OVAAL: variants seen among roughly 807,000 people sequenced by gnomAD.
The protein encoded by OVAAL is ovarian adenocarcinoma amplified long non-coding RNA.
At chr1:180,559,371 T>C (rs1270866975) in intron 1 of OVAAL, among the ~76,000 whole-genome samples, 1 of 152,120 alleles carries the variant, frequency 6.6e-6, no homozygotes, top group East Asian at 1.9e-4. Flanking sequence ...ATGAGGAACT[T>C]ATTGGGAACT....
chr1:180,563,532 C>T (rs770400354), intron 2 of OVAAL, among the ~76,000 whole-genome samples: 16 of 152,054 alleles, frequency 1.1e-4, no homozygotes, highest in South Asian at 4.2e-4. Flanking sequence ...TCCAAGTGGG[C>T]GACTTGAAGG....
intron 1 of OVAAL, among the ~76,000 whole-genome samples, chr1:180,561,073 G>A (rs2102144697): frequency 6.6e-6 from 1 of 152,206 alleles, no homozygotes; most frequent in South Asian, 2.1e-4. Context: ...ATAGAAAAGG[G>A]CACAAAAAGG....
At chr1:180,561,135 C>G (rs1653193545) in intron 1 of OVAAL, among the ~76,000 whole-genome samples, 1 of 152,190 alleles carries the variant, frequency 6.6e-6, no homozygotes, top group Non-Finnish European at 1.5e-5. Context: ...TCCCTGGCAC[C>G]TCTCAGTTGC....
intron 1 of OVAAL, among the ~76,000 whole-genome samples, chr1:180,559,269 T>C (rs190174532): frequency 9.9e-5 from 15 of 152,266 alleles, no homozygotes; most frequent in African/African-American, 3.6e-4. Context: ...GTGGGAAAGT[T>C]TGGAACCTCC....
intron 1 of OVAAL, among the ~76,000 whole-genome samples, chr1:180,559,534 G>C (rs939040957): frequency 6.6e-6 from 1 of 152,154 alleles, no homozygotes; most frequent in Non-Finnish European, 1.5e-5. Context: ...GGTGACTTGG[G>C]TGCTGTTAAA....
At chr1:180,561,244 G>A (rs1653194516) in intron 1 of OVAAL, among the ~76,000 whole-genome samples, 2 of 152,174 alleles carry the variant, frequency 1.3e-5, no homozygotes, top group Admixed American at 6.5e-5. Flanking sequence ...AGGGTACTTG[G>A]AAAGACCAAA....
At chr1:180,564,714 A>C (rs1012850835) in intron 2 of OVAAL, among the ~76,000 whole-genome samples, 9 of 152,136 alleles carry the variant, frequency 5.9e-5, no homozygotes, top group Non-Finnish European at 1.5e-5. Context: ...CAAGGAGCTT[A>C]GTAGATAAGC....
chr1:180,564,192 C>G (rs1018794684), intron 2 of OVAAL, among the ~76,000 whole-genome samples: 1 of 152,094 alleles, frequency 6.6e-6, no homozygotes, highest in Non-Finnish European at 1.5e-5. Context: ...TCCATTTTTT[C>G]TAAAAAGCTA....
intron 2 of OVAAL, among the ~76,000 whole-genome samples, chr1:180,563,576 G>A (rs1653243313): frequency 1.3e-5 from 2 of 152,094 alleles, no homozygotes; most frequent in South Asian, 2.1e-4. Flanking sequence ...TTTATATGTT[G>A]GCATACTTCT....
intron 1 of OVAAL, among the ~76,000 whole-genome samples, chr1:180,559,381 T>C (rs978934554): frequency 6.6e-6 from 1 of 152,212 alleles, no homozygotes; most frequent in Non-Finnish European, 1.5e-5. Context: ...TATTGGGAAC[T>C]GGAGCAAAGC....
At chr1:180,564,401 A>G (rs1653259339) in intron 2 of OVAAL, among the ~76,000 whole-genome samples, 1 of 152,102 alleles carries the variant, frequency 6.6e-6, no homozygotes. Context: ...CTGTATTCTT[A>G]TTTGCTGCTG....
At chr1:180,564,938 T>C (rs1042222869) in intron 2 of OVAAL, among the ~76,000 whole-genome samples, 5 of 152,216 alleles carry the variant, frequency 3.3e-5, no homozygotes, top group African/African-American at 1.2e-4. Flanking sequence ...ATGAGAACCA[T>C]TGTCCTATGC....
intron 1 of OVAAL, among the ~76,000 whole-genome samples, chr1:180,560,399 A>C (rs565486777): frequency 6.6e-6 from 1 of 152,212 alleles, no homozygotes; most frequent in Non-Finnish European, 1.5e-5. Context: ...TAGAATCTAC[A>C]GGAATGCGAG....
rs576555577 is a variant in OVAAL, at chr1:180,562,012, A to G, written n.373-192A>G. On this transcript the variant is annotated intron_variant and non_coding_transcript_variant, in intron 1 of 2. Transcript: ENST00000673955. ...CACTCCAGCCTGGGCGAGAAGAGTG[A>G]AACTCCATCTCAAAAAAAAAAAAAA... Among the ~76,000 whole-genome samples, 6 of 149,062 alleles carry G rather than the reference A, an allele frequency of 4.0e-5. No homozygotes were observed. In the East Asian group the frequency reaches 9.7e-4, roughly 24 times the overall value.
At chr1:180,564,277 A>T (rs1279046685) in intron 2 of OVAAL, among the ~76,000 whole-genome samples, 1 of 152,178 alleles carries the variant, frequency 6.6e-6, no homozygotes. Context: ...ATGCTCTGTT[A>T]AATTTGAATT....
chr1:180,565,319 T>G (rs1196228014), exon 3 of OVAAL: 2 of 152,380 alleles, frequency 1.3e-5, no homozygotes, highest in African/African-American at 4.8e-5. Flanking sequence ...ACTGGAGAAC[T>G]GTCTCTGCAG....
At chr1:180,559,979 A>G (rs1571620749) in intron 1 of OVAAL, among the ~76,000 whole-genome samples, 1 of 152,108 alleles carries the variant, frequency 6.6e-6, no homozygotes, top group Non-Finnish European at 1.5e-5. Flanking sequence ...AATAGCTAAC[A>G]TTGATTTAGT....
At chr1:180,561,718 AT>A (rs149304585) in intron 1 of OVAAL, among the ~76,000 whole-genome samples, 25,726 of 150,722 alleles carry the variant, frequency 0.17, 2,244 homozygotes, top group Middle Eastern at 0.22. Flanking sequence ...TTTTAATTTT[AT>A]TTTTTTTTTA....
Position 180,564,022 on chromosome 1 carries a change from G to A in OVAAL, n.514-1229G>A, listed in dbSNP as rs530504854. Among the ~76,000 whole-genome samples, 5 of 152,276 alleles carry A rather than the reference G, an allele frequency of 3.3e-5. No individual in the cohort carries two copies. The South Asian group carries it at 6.2e-4, about 19-fold the overall frequency. ...GTTTGTGTCTGACTAGCTACCTACT[G>A]TAACAGGATGACCATATAATTTATC... On this transcript the variant is annotated intron_variant and non_coding_transcript_variant, in intron 2 of 2. Coordinates refer to ENST00000673955, the Ensembl canonical transcript of OVAAL.
Sources: gnomAD v4.1 joint callset for allele counts (sites outside exome capture counted in the v4.1 genomes callset) on GRCh38, gnomAD v4.1.1 for gene constraint, MANE v1.5 for transcripts, NCBI Gene and HGNC (gene_info 2026-07-23, HGNC 2026-07-21) for gene names.